PITPNM3: variants seen among roughly 807,000 people sequenced by gnomAD.
PITPNM3 encodes membrane-associated phosphatidylinositol transfer protein 3.
Under a neutral mutation model 102.0 loss-of-function variants are expected in PITPNM3, and 26 were observed. That is an observed-to-expected ratio of 0.25 (90% CI 0.19 to 0.35). PITPNM3 has a LOEUF of 0.35. Among genes scored for constraint, PITPNM3 ranks in the 10% least tolerant of loss-of-function variants. The pLI, the probability that PITPNM3 is intolerant of heterozygous loss-of-function variation, is 1.00. For synonymous variants in PITPNM3, 578 were observed against 558.6 expected, an observed-to-expected ratio of 1.03 and a Z score of -0.49; for missense variants, 1,083 against 1,346.1, an observed-to-expected ratio of 0.80 and a Z score of 3.06.
chr17:6,526,154 C>T (rs963174661), intron 2 of PITPNM3, among the ~76,000 whole-genome samples: 4 of 152,314 alleles, frequency 2.6e-5, no homozygotes, highest in Non-Finnish European at 5.9e-5. Context: ...CCACTCCTCC[C>T]CTCAACCCTG....
Position 6,452,881 on chromosome 17 carries a change from C to A in PITPNM3, c.*2457G>T, listed in dbSNP as rs903068328. On this transcript the variant is annotated 3_prime_UTR_variant, in exon 20 of 20. Transcript: ENST00000262483. ...GCTGGGTCCTGTGTCCCAGCTCTGA[C>A]CCCAGAGCCACAGAACCCTGGTCAC... The A allele has an allele frequency of 1.3e-5, 2 of 152,134 alleles. No homozygotes were observed. Among genetic ancestry groups the A allele is most frequent in the Admixed American group, 1.3e-4 (2 of 15,280 alleles). 9.4% of individuals were successfully genotyped at this position (152,134 alleles called of 1,614,324 possible).
In PITPNM3 at chr17:6,463,832, T is replaced by C. The variant is rs1382672138; in HGVS notation, c.2206A>G (p.Met736Val). The C allele has an allele frequency of 6.2e-7, 1 of 1,613,858 alleles. No homozygotes were observed. Among genetic ancestry groups the C allele is most frequent in the Non-Finnish European group, 8.5e-7 (1 of 1,179,990 alleles). ...TCAATGCTGAACACTACACACTCCA[T>C]GCCCCTGGGCAACACCGTGAGGTAG... ...MSYLTVLPRG[M>V]ECVVFSIDGS... Residue 736 changes from methionine (M) to valine (V), a missense_variant, in exon 17 of 20, where the codon ATG (methionine) becomes GTG (valine). This residue lies in a region of PITPNM3 where 410 missense variants were observed against 638.4 expected (regional missense o/e 0.64). Coordinates refer to ENST00000262483, the MANE Select transcript of PITPNM3 (RefSeq NM_031220.4).
chr17:6,503,428 T>C (rs1907302970), intron 4 of PITPNM3, 99 bp downstream of exon 4: 1 of 1,377,754 alleles, frequency 7.3e-7, no homozygotes, highest in Admixed American at 1.8e-5. Flanking sequence ...GATCCTGCCA[T>C]CCTTTCAGGC....
intron 8 of PITPNM3, 65 bp from the exon 9 acceptor site, chr17:6,477,278 T>A: frequency 1.9e-6 from 3 of 1,545,710 alleles, no homozygotes; most frequent in Non-Finnish European, 2.7e-6. Context: ...TGGGGCCTTG[T>A]CTCCTCCCCC....
At chr17:6,498,906 C>T (rs1350230840) in intron 4 of PITPNM3, among the ~76,000 whole-genome samples, 2 of 152,060 alleles carry the variant, frequency 1.3e-5, no homozygotes, top group Non-Finnish European at 2.9e-5. Flanking sequence ...TGCTAACTAA[C>T]GGAGCAGCAT....
At chr17:6,513,594 C>T (rs1907991461) in intron 3 of PITPNM3, among the ~76,000 whole-genome samples, 1 of 152,184 alleles carries the variant, frequency 6.6e-6, no homozygotes. Context: ...GTTAACAAAA[C>T]AGGTGCAAGA....
At chr17:6,485,419 A>G (rs1343645282) in intron 4 of PITPNM3, among the ~76,000 whole-genome samples, 1 of 152,042 alleles carries the variant, frequency 6.6e-6, no homozygotes, top group South Asian at 2.1e-4. Context: ...CGGCCTCCCA[A>G]AGTGCTGGGA....
chr17:6,470,473 G>A lies in PITPNM3; in HGVS notation c.1625-65C>T, dbSNP rs2150724248. 1 of 1,607,890 alleles carries A rather than the reference G, an allele frequency of 6.2e-7. No individual in the cohort carries two copies. The highest frequency in any genetic ancestry group is 8.5e-7 in the Non-Finnish European group (1 of 1,175,800). ...CGGGGCCTCACCCGAGGGGCAGCGGGGTCTCCCATTGCACAGACTGGTGGT... is the reference window on the plus strand; with the variant it reads ...CGGGGCCTCACCCGAGGGGCAGCGGAGTCTCCCATTGCACAGACTGGTGGT... On this transcript the variant is annotated intron_variant, in intron 12 of 19. Transcript: ENST00000262483. This position sits in a 1 kb window ranked among gnomAD's most constrained non-coding sequence, Gnocchi z 4.8.
intron 4 of PITPNM3, among the ~76,000 whole-genome samples, chr17:6,500,598 A>G (rs1303171344): frequency 2.0e-5 from 3 of 152,084 alleles, no homozygotes; most frequent in African/African-American, 7.2e-5. Context: ...GGCATCCCCA[A>G]CCTAGACAAC....
At chr17:6,473,976 CAAAAAAAA>C (rs56728914) in intron 10 of PITPNM3, among the ~76,000 whole-genome samples, 7 of 96,068 alleles carry the variant, frequency 7.3e-5, no homozygotes, top group Non-Finnish European at 7.9e-5. Context: ...GACTCCATCT[CAAAAAAAA>C]AAAAAAAAAA....
rs1036527650 is a variant in PITPNM3, at chr17:6,466,892, AAAAAT to A, written c.1890+1328_1890+1332del. ...AAACTCCATCTCTACTAAAAATACA[AAAAAT>A]AAAATAAAATAAAATAATTAGCCGG... On this transcript the variant is annotated intron_variant, in intron 14 of 19. Coordinates refer to ENST00000262483, the MANE Select transcript of PITPNM3 (RefSeq NM_031220.4). 2.6e-5 allele frequency among the ~76,000 whole-genome samples: 4 copies of A among 152,000 alleles called. No individual in the cohort carries two copies. In the South Asian group the frequency reaches 8.3e-4, roughly 32 times the overall value.
chr17:6,545,824 C>T (rs1323472935), intron 1 of PITPNM3, among the ~76,000 whole-genome samples: 3 of 152,238 alleles, frequency 2.0e-5, no homozygotes, highest in Non-Finnish European at 4.4e-5. Context: ...TGGGTCCAGG[C>T]CTGCCTGCCC....
At chr17:6,549,797 C>G (rs563388411) in intron 1 of PITPNM3, among the ~76,000 whole-genome samples, 213 of 152,318 alleles carry the variant, frequency 1.4e-3, no homozygotes, top group African/African-American at 4.6e-3. Context: ...TCTCCTCCCC[C>G]CTCCCACACC....
At chr17:6,532,557 C>G (rs1051151434) in intron 2 of PITPNM3, among the ~76,000 whole-genome samples, 1 of 152,078 alleles carries the variant, frequency 6.6e-6, no homozygotes, top group African/African-American at 2.4e-5. Context: ...GTTTTCATGT[C>G]CTAGACTTGT....
At position 6,468,150 on chromosome 17, in the gene PITPNM3, T is replaced by C; in HGVS notation, c.1890+75A>G. ...TTGAAGCGCTTACCTCCCATGTGGA[T>C]GCCCCAGCCCCCGGGCCAGCCCCAC... On this transcript the variant is annotated intron_variant, in intron 14 of 19. Coordinates refer to ENST00000262483, the MANE Select transcript of PITPNM3 (RefSeq NM_031220.4). This position sits in a 1 kb window ranked among gnomAD's most constrained non-coding sequence, Gnocchi z 5.2. 3 of 1,412,168 alleles carry C rather than the reference T, an allele frequency of 2.1e-6. No individual in the cohort carries two copies. The highest frequency in any genetic ancestry group is 3.0e-6 in the Non-Finnish European group (3 of 1,001,938). The allele number at this position is 1,412,168 out of a possible 1,614,324, so 87.5% of individuals were successfully genotyped here.
Position 6,455,167 on chromosome 17 carries a change from AG to A in PITPNM3, c.*170del. 1 of 840,018 alleles carries A rather than the reference AG, an allele frequency of 1.2e-6. No individual in the cohort carries two copies. Among genetic ancestry groups the A allele is most frequent in the Admixed American group, 3.4e-5 (1 of 29,578 alleles). The allele number at this position is 840,018 out of a possible 1,614,324, so 52.0% of individuals were successfully genotyped here. On this transcript the variant is annotated 3_prime_UTR_variant, in exon 20 of 20. Transcript: ENST00000262483. ...GACCTCACCCCGTCGCAGCTCAGGG[AG>A]CCCCCCGGGCTCGGGCAGGATCCCT...
At chr17:6,500,041 G>A (rs1907082620) in intron 4 of PITPNM3, among the ~76,000 whole-genome samples, 1 of 152,116 alleles carries the variant, frequency 6.6e-6, no homozygotes, top group Non-Finnish European at 1.5e-5. Flanking sequence ...CGACAGTATG[G>A]TCATCTTTCC....
intron 4 of PITPNM3, among the ~76,000 whole-genome samples, chr17:6,489,439 G>C (rs1906294457): frequency 6.6e-6 from 1 of 151,672 alleles, no homozygotes; most frequent in Admixed American, 6.6e-5. Flanking sequence ...CTGTAAGCTA[G>C]TGGAAGCTCA....
chr17:6,548,314 C>T (rs1247608521), intron 1 of PITPNM3, among the ~76,000 whole-genome samples: 1 of 152,194 alleles, frequency 6.6e-6, no homozygotes, highest in Non-Finnish European at 1.5e-5. Context: ...GCCCCAGAGG[C>T]GGAGCTCTCA....
Sources: gnomAD v4.1 joint callset for allele counts (sites outside exome capture counted in the v4.1 genomes callset) on GRCh38, gnomAD v4.1.1 for gene constraint, gnomAD v4.1.1 regional missense constraint, Gnocchi (gnomAD v3.1) non-coding constraint, MANE v1.5 for transcripts, NCBI Gene and HGNC (gene_info 2026-07-23, HGNC 2026-07-21) for gene names.